The following RNF31 variants were observed in gnomAD, a reference collection of about 807,000 sequenced individuals.
The protein encoded by RNF31 is ring finger protein 31.
RNF31 carries 38 observed loss-of-function variants against 133.6 expected under a neutral mutation model. The observed-to-expected ratio is 0.28, with a 90% CI of 0.22 to 0.37. The LOEUF is 0.37. RNF31 is among the 10% of genes least tolerant of loss of function. The probability of loss-of-function intolerance (pLI) is 1.00; values close to 1 mark genes in which losing one functional copy is unlikely to be tolerated. For synonymous variants in RNF31, 582 were observed against 552.3 expected (o/e 1.05, Z -0.75); for missense variants, 1,118 against 1,394.1 (o/e 0.80, Z 3.15).
Position 24,157,961 on chromosome 14 carries a change from C to T in RNF31, c.2791C>T (p.Leu931Phe). ...GCACGGCCACCACCCTCGAGACTGC[C>T]TCTTCTACCTGCGGGACTGGACTGC... is the stretch of plus-strand genomic sequence containing the variant. ...SLHGHHPRDC[L>F]FYLRDWTALR... Residue 931 changes from leucine to phenylalanine, a missense_variant, in exon 17 of 21, where the codon CTC becomes TTC. Leu to Phe is a conservative substitution (Grantham distance 22). Around this residue, in one of 3 missense-constraint regions of RNF31, gnomAD observed 170 missense variants for 194.5 expected, o/e 0.87. Coordinates refer to ENST00000324103, the MANE Select transcript of RNF31 (RefSeq NM_017999.5). The T allele has an allele frequency of 6.2e-7, 1 of 1,614,206 alleles. No homozygotes were observed. The highest frequency in any genetic ancestry group is 1.1e-5 in the South Asian group (1 of 91,086).
intron 17 of RNF31, 62 bp downstream of exon 17, chr14:24,158,073 C>T (rs2038373363): frequency 9.3e-6 from 15 of 1,610,834 alleles, no homozygotes; most frequent in South Asian, 4.4e-5. Context: ...GAAAAGGCTC[C>T]GTGCTAGGAA....
At chr14:24,149,714 G>A in intron 6 of RNF31, 131 bp downstream of exon 6, 1 of 936,352 alleles carries the variant, frequency 1.1e-6, no homozygotes, top group Non-Finnish European at 1.6e-6. Context: ...AACCCTGAAA[G>A]AGATAATAGA....
rs1358928850 is a variant in RNF31, at chr14:24,151,561, T to C, written c.1814T>C (p.Val605Ala). The change falls in exon 10 of 21, where the codon GTG becomes GCG. Residue 605 changes from valine to alanine, a missense_variant. By Grantham distance (64) the Val-to-Ala change is moderately conservative. Coordinates refer to ENST00000324103, the MANE Select transcript of RNF31 (RefSeq NM_017999.5). This position sits in a 1 kb window ranked among gnomAD's most constrained non-coding sequence, Gnocchi z 5.3. ...GCATTGTTCCAGCACGGAGGTGATG[T>C]GTCACGGGCCCTGACTGAGCTACAG... ...LQALFQHGGD[V>A]SRALTELQRQ... is the part of the protein sequence containing the mutation. 1 of 1,614,048 alleles carries C rather than the reference T, an allele frequency of 6.2e-7. No homozygotes were observed. The highest frequency in any genetic ancestry group is 8.5e-7 in the Non-Finnish European group (1 of 1,180,032).
In RNF31 at chr14:24,148,886, G is replaced by A; in HGVS notation, c.631+10G>A. 1 of 1,612,286 alleles carries A rather than the reference G, an allele frequency of 6.2e-7. No homozygotes were observed. Among genetic ancestry groups the A allele is most frequent in the Non-Finnish European group, 8.5e-7 (1 of 1,178,330 alleles). On this transcript the variant is annotated intron_variant, in intron 5 of 20. Coordinates refer to ENST00000324103, the MANE Select transcript of RNF31 (RefSeq NM_017999.5). ...ACACCCTCTGTCCCAGGTATTATTGGTCCTAAATTGGGGACCAGGTAGGAA... is the reference window on the plus strand; with the variant it reads ...ACACCCTCTGTCCCAGGTATTATTGATCCTAAATTGGGGACCAGGTAGGAA...
intron 18 of RNF31, chr14:24,158,831 A>C (rs543329447): frequency 4.0e-5 from 6 of 149,884 alleles, no homozygotes; most frequent in South Asian, 2.1e-4. Context: ...AGTCAGATCG[A>C]GACCATCCTG....
Position 24,160,086 on chromosome 14 carries a change from C to A in RNF31, c.2996+126C>A. On this transcript the variant is annotated intron_variant, in intron 19 of 20. Transcript: ENST00000324103. This position sits in a 1 kb window ranked among gnomAD's most constrained non-coding sequence, Gnocchi z 4.0. ...CAGTGGGTGGGAGGGAGGAGGCTTT[C>A]TGGGCAAGGGCATGGGTAGATAGTA... 1 of 1,320,470 alleles carries A rather than the reference C, an allele frequency of 7.6e-7. No individual in the cohort carries two copies. The highest frequency in any genetic ancestry group is 1.1e-6 in the Non-Finnish European group (1 of 949,040). The allele number at this position is 1,320,470 out of a possible 1,614,324, so 81.8% of individuals were successfully genotyped here.
rs2038260874 is a variant in RNF31, at chr14:24,151,216, G to A, written c.1574G>A (p.Arg525His). 8 of 1,614,052 alleles carry A rather than the reference G, an allele frequency of 5.0e-6. No homozygotes were observed. Among genetic ancestry groups the A allele is most frequent in the African/African-American group, 1.3e-5 (1 of 74,928 alleles). ...SGTEVPLQWL[R>H]SELPYVLEMV... ...ACTGAGGTGCCTCTGCAGTGGTTGC[G>A]CTCAGAACTGCCCTACGTCCTGGAG... Residue 525 changes from arginine to histidine, a missense_variant, in exon 9 of 21, where the codon CGC (arginine) becomes CAC (histidine). Coordinates refer to ENST00000324103, the MANE Select transcript of RNF31 (RefSeq NM_017999.5). This position sits in a 1 kb window ranked among gnomAD's most constrained non-coding sequence, Gnocchi z 5.3.
chr14:24,148,990 T>G, intron 5 of RNF31, 114 bp downstream of exon 5: 1 of 1,039,208 alleles, frequency 9.6e-7, no homozygotes, highest in South Asian at 1.3e-5. Flanking sequence ...TGAGACGGAG[T>G]TTTGCTCTTG....
chr14:24,158,121 C>A, intron 17 of RNF31, 21 bp from the exon 18 acceptor site: 1 of 1,614,012 alleles, frequency 6.2e-7, no homozygotes, highest in Non-Finnish European at 8.5e-7. Context: ...AATGTAACAC[C>A]CATCTGTCTC....
chr14:24,157,813 C>A, intron 16 of RNF31, 85 bp from the exon 17 acceptor site: 1 of 1,209,252 alleles, frequency 8.3e-7, no homozygotes, highest in Non-Finnish European at 1.2e-6. Flanking sequence ...CTCCCCTCAC[C>A]CTTACACCCC....
At position 24,150,193 on chromosome 14, in the gene RNF31, G is replaced by C. The variant is rs748959329; in HGVS notation, c.942G>C (p.Glu314Asp). The C allele has an allele frequency of 3.7e-6, 6 of 1,614,214 alleles. No individual in the cohort carries two copies. Among genetic ancestry groups the C allele is most frequent in the Admixed American group, 1.7e-5 (1 of 60,018 alleles). ...GTGCTGCCTGTGCCATGCTAAATGA[G>C]CCTTGGGCAGTGCTCTGTGTGGCCT... ...WHCAACAMLN[E>D]PWAVLCVACD... Residue 314 changes from glutamate to aspartate, a missense_variant, in exon 7 of 21, where the codon GAG (glutamate) becomes GAC (aspartate). By Grantham distance (45) the Glu-to-Asp change is conservative. Coordinates refer to ENST00000324103, the MANE Select transcript of RNF31 (RefSeq NM_017999.5).
rs758237642 is a variant in RNF31 at position 24,155,251 on chromosome 14, T to C, written c.2225T>C (p.Met742Thr). Residue 742 changes from methionine to threonine, a missense_variant, in exon 12 of 21, where the codon ATG becomes ACG. Met to Thr is a moderately conservative substitution (Grantham distance 81). Transcript: ENST00000324103. The surrounding 1 kb of genome is among the most constrained non-coding windows in gnomAD (Gnocchi z 4.9). Reference protein sequence around the residue: ...IALKEKHITDMVCPACGRPDL... With the variant: ...IALKEKHITDTVCPACGRPDL... ...TTGAAGGAGAAGCACATCACAGACA[T>C]GGTGTGCCCTGCCTGTGGCCGCCCC... The C allele has an allele frequency of 6.2e-7, 1 of 1,614,122 alleles. No individual in the cohort carries two copies.
At chr14:24,156,694 G>T (rs1320901645) in intron 14 of RNF31, among the ~76,000 whole-genome samples, 2 of 151,776 alleles carry the variant, frequency 1.3e-5, no homozygotes, top group Admixed American at 1.3e-4. Flanking sequence ...CAGGAGAATC[G>T]CTTGAACCCA....
chr14:24,148,759 T>C (rs772109336), intron 4 of RNF31, 42 bp from the exon 5 acceptor site: 3 of 1,613,566 alleles, frequency 1.9e-6, no homozygotes, highest in South Asian at 2.2e-5. Context: ...TGAGACTCTG[T>C]GTCCCTAAAC....
At chr14:24,150,025 C>T in intron 6 of RNF31, 36 bp from the exon 7 acceptor site, 1 of 1,519,052 alleles carries the variant, frequency 6.6e-7, no homozygotes, top group Non-Finnish European at 8.8e-7. Context: ...GCACCAGGTG[C>T]CACTTCAGCA....
intron 3 of RNF31, 75 bp from the exon 4 acceptor site, chr14:24,148,567 A>T: frequency 6.3e-7 from 1 of 1,585,874 alleles, no homozygotes; most frequent in South Asian, 1.1e-5. Flanking sequence ...TGTGAATGTT[A>T]AGGGACCAGG....
At chr14:24,157,430 T>C in intron 15 of RNF31, 26 bp downstream of exon 15, 1 of 1,605,134 alleles carries the variant, frequency 6.2e-7, no homozygotes, top group East Asian at 2.2e-5. Context: ...TCGGCCTGTT[T>C]GCTCAGAAGC....
chr14:24,155,869 A>G lies in RNF31; in HGVS notation c.2493+177A>G, dbSNP rs1428570834. 6.6e-6 allele frequency among the ~76,000 whole-genome samples: 1 copy of G among 152,076 alleles called. No individual in the cohort carries two copies. ...AGAAAGGGAAGCAGAGGGAGGGAGG[A>G]AATCGGGAGGGAAAGGAAAGGGGAG... On this transcript the variant is annotated intron_variant, in intron 14 of 20. Coordinates refer to ENST00000324103, the MANE Select transcript of RNF31 (RefSeq NM_017999.5). The surrounding 1 kb of genome is among the most constrained non-coding windows in gnomAD (Gnocchi z 4.9).
chr14:24,151,677 G>A lies in RNF31; in HGVS notation c.1923+7G>A, dbSNP rs1448000591. ...GGATGGGCCAGACAAGCAGGTGCTG[G>A]GAGGAGGCAAGAAGCCCAAGGGTCC... On this transcript the variant is annotated splice_region_variant and intron_variant, in intron 10 of 20. Coordinates refer to ENST00000324103, the MANE Select transcript of RNF31 (RefSeq NM_017999.5). This position sits in a 1 kb window ranked among gnomAD's most constrained non-coding sequence, Gnocchi z 5.3. 6.2e-7 allele frequency: 1 copy of A among 1,609,780 alleles called. No homozygotes were observed. Among genetic ancestry groups the A allele is most frequent in the Non-Finnish European group, 8.5e-7 (1 of 1,179,778 alleles).
Sources: allele counts gnomAD v4.1 joint callset (sites outside exome capture counted in the v4.1 genomes callset), GRCh38; gene constraint gnomAD v4.1.1; regional missense constraint gnomAD v4.1.1; non-coding constraint Gnocchi (gnomAD v3.1); transcripts MANE v1.5; gene names NCBI Gene and HGNC (gene_info 2026-07-23, HGNC 2026-07-21).